Variants in EBF1 observed in about 807,000 individuals in gnomAD.
EBF1 encodes transcription factor COE1.
In EBF1, 10 loss-of-function variants were observed where a neutral mutation model predicts 68.4. The ratio of observed to expected loss-of-function variants is 0.15; its 90% confidence interval spans 0.09 to 0.25. EBF1 has a LOEUF of 0.25. Ranked by LOEUF, EBF1 falls within the 10% of genes least tolerant of loss-of-function variation. The pLI, the probability that EBF1 is intolerant of heterozygous loss-of-function variation, is 1.00. For synonymous variants in EBF1, 298 were observed against 299.8 expected (o/e 0.99, Z 0.06); for missense variants, 509 against 794.4 (o/e 0.64, Z 4.32).
chr5:158,997,973 G>T (rs1032066943), intron 6 of EBF1, among the ~76,000 whole-genome samples: 2 of 152,064 alleles, frequency 1.3e-5, no homozygotes, highest in African/African-American at 4.8e-5. Flanking sequence ...GCCCTGTCCT[G>T]CCACCATTTC....
At chr5:158,902,451 TTGCTCTG>T (rs1432614788) in intron 6 of EBF1, among the ~76,000 whole-genome samples, 5 of 151,052 alleles carry the variant, frequency 3.3e-5, no homozygotes, top group African/African-American at 1.2e-4. Flanking sequence ...AAATAGGATC[TTGCTCTG>T]TGTCCCAGGC....
chr5:158,796,566 C>A (rs1046733886), intron 8 of EBF1, 91 bp from the exon 9 acceptor site: 4 of 1,396,676 alleles, frequency 2.9e-6, no homozygotes, highest in Admixed American at 2.5e-5. Context: ...AAAAAAAAAT[C>A]TTTTATCTTT....
intron 6 of EBF1, among the ~76,000 whole-genome samples, chr5:159,023,559 T>A (rs1242341343): frequency 1.3e-5 from 2 of 152,198 alleles, no homozygotes; most frequent in African/African-American, 4.8e-5. Context: ...AGAGGCACCC[T>A]TCCTCCACCA....
Position 158,699,037 on chromosome 5 carries a change from T to C in EBF1, c.*74A>G. 8 of 1,416,058 alleles carry C rather than the reference T, an allele frequency of 5.6e-6. No homozygotes were observed. Among genetic ancestry groups the C allele is most frequent in the Non-Finnish European group, 7.6e-6 (8 of 1,046,604 alleles). The allele number at this position is 1,416,058 out of a possible 1,614,324, so 87.7% of individuals were successfully genotyped here. On this transcript the variant is annotated 3_prime_UTR_variant, in exon 16 of 16. Transcript: ENST00000313708. ...AAGGCCTGAGTTAAAAGTTCCACTC[T>C]GGGACTTGTATCAGATTACTCTCTG... is the stretch of plus-strand genomic sequence containing the variant.
At chr5:158,918,393 C>T (rs1807672913) in intron 6 of EBF1, among the ~76,000 whole-genome samples, 1 of 152,178 alleles carries the variant, frequency 6.6e-6, no homozygotes, top group South Asian at 2.1e-4. Flanking sequence ...GAAACAGACT[C>T]TTGACATCAA....
At chr5:158,809,729 T>C (rs574645407) in intron 8 of EBF1, among the ~76,000 whole-genome samples, 14 of 152,304 alleles carry the variant, frequency 9.2e-5, no homozygotes, top group African/African-American at 3.4e-4. Context: ...TTTCTGTTGT[T>C]ACATGTTGGG....
At position 158,696,631 on chromosome 5, in the gene EBF1, G is replaced by GT. The variant is rs763193534; in HGVS notation, c.*2479dup. On this transcript the variant is annotated 3_prime_UTR_variant, in exon 16 of 16. Transcript: ENST00000313708. ...GCGTCCACCTTGCTTACATTTTCCA[G>GT]TTTTTTTTATTATTATTAGTCATCA... The GT allele has an allele frequency of 2.6e-4, 55 of 214,370 alleles. No individual in the cohort carries two copies. The highest frequency in any genetic ancestry group is 9.5e-4 in the East Asian group (14 of 14,710). 13.3% of individuals were successfully genotyped at this position (214,370 alleles called of 1,614,324 possible).
chr5:159,042,300 C>T (rs1168635022), intron 6 of EBF1, among the ~76,000 whole-genome samples: 1 of 152,068 alleles, frequency 6.6e-6, no homozygotes, highest in Admixed American at 6.5e-5. Context: ...CTTTCATCCA[C>T]TCAATTCAGA....
At chr5:158,729,051 T>G (rs1241480346) in intron 11 of EBF1, among the ~76,000 whole-genome samples, 2 of 152,226 alleles carry the variant, frequency 1.3e-5, no homozygotes, top group Non-Finnish European at 2.9e-5. Flanking sequence ...TTTCCTGCTC[T>G]GCAGAGATTG....
chr5:158,706,660 GA>G (rs1030447515), intron 15 of EBF1, among the ~76,000 whole-genome samples: 1 of 152,112 alleles, frequency 6.6e-6, no homozygotes, highest in African/African-American at 2.4e-5. Context: ...CTTCCAGGCT[GA>G]CCTCCATCAG....
At chr5:159,089,712 G>A (rs1447094597) in intron 4 of EBF1, among the ~76,000 whole-genome samples, 1 of 151,218 alleles carries the variant, frequency 6.6e-6, no homozygotes, top group Non-Finnish European at 1.5e-5. Flanking sequence ...ATTTTCATTA[G>A]GAACCTTTCT....
At chr5:158,945,880 C>G (rs544321227) in intron 6 of EBF1, among the ~76,000 whole-genome samples, 1 of 152,200 alleles carries the variant, frequency 6.6e-6, no homozygotes, top group South Asian at 2.1e-4. Context: ...TTGTTCATTC[C>G]TTTTCATTCT....
At chr5:158,905,909 G>A (rs910085339) in intron 6 of EBF1, among the ~76,000 whole-genome samples, 4 of 152,048 alleles carry the variant, frequency 2.6e-5, no homozygotes, top group Non-Finnish European at 5.9e-5. Flanking sequence ...GAATGGAGGA[G>A]GGAGCAAAAT....
chr5:158,928,516 G>A (rs1266582725), intron 6 of EBF1, among the ~76,000 whole-genome samples: 1 of 152,132 alleles, frequency 6.6e-6, no homozygotes, highest in East Asian at 1.9e-4. Flanking sequence ...CATTAATTGA[G>A]CTATAACACT....
Position 158,696,722 on chromosome 5 carries a change from CACCCACCCCA to C in EBF1, c.*2379_*2388del, listed in dbSNP as rs1248547764. 5.3e-6 allele frequency: 1 copy of C among 188,436 alleles called. No individual in the cohort carries two copies. Among genetic ancestry groups the C allele is most frequent in the Admixed American group, 6.3e-5 (1 of 15,852 alleles). The allele number at this position is 188,436 out of a possible 1,614,324, so 11.7% of individuals were successfully genotyped here. A position where few individuals can be genotyped will look rare whatever the true frequency, so the allele number is the denominator to read the frequency against. ...CTACCCTCCCACAACTCCCCTCCCC[CACCCACCCCA>C]ACCCATAAAAATCGCACTCTTGACA... On this transcript the variant is annotated 3_prime_UTR_variant, in exon 16 of 16. Transcript: ENST00000313708.
At chr5:158,921,429 T>C (rs1808412340) in intron 6 of EBF1, among the ~76,000 whole-genome samples, 1 of 152,216 alleles carries the variant, frequency 6.6e-6, no homozygotes, top group Admixed American at 6.5e-5. Context: ...TCGCATCTGC[T>C]CCTATGGTTC....
At chr5:158,795,940 C>T (rs1262132944) in intron 9 of EBF1, among the ~76,000 whole-genome samples, 1 of 152,142 alleles carries the variant, frequency 6.6e-6, no homozygotes, top group East Asian at 1.9e-4. Flanking sequence ...GAATGATGTT[C>T]CTTGAAGATC....
chr5:159,085,509 A>G (rs1470962201), intron 4 of EBF1, among the ~76,000 whole-genome samples: 1 of 152,206 alleles, frequency 6.6e-6, no homozygotes, highest in Admixed American at 6.5e-5. Context: ...CAAGGACACC[A>G]AGAAGATTCC....
intron 6 of EBF1, among the ~76,000 whole-genome samples, chr5:158,873,791 C>T (rs939610275): frequency 2.0e-5 from 3 of 152,160 alleles, no homozygotes; most frequent in African/African-American, 7.2e-5. Flanking sequence ...AGATGATTTC[C>T]TTATCACCTA....
Sources: allele counts gnomAD v4.1 joint callset (sites outside exome capture counted in the v4.1 genomes callset), GRCh38; gene constraint gnomAD v4.1.1; transcripts MANE v1.5; gene names NCBI Gene and HGNC (gene_info 2026-07-23, HGNC 2026-07-21).